The following SLIT1 variants were observed in gnomAD, a reference collection of about 807,000 sequenced individuals.
The protein encoded by SLIT1 is slit guidance ligand 1.
In SLIT1, 66 loss-of-function variants were observed where a neutral mutation model predicts 186.1. The observed-to-expected ratio is 0.35, with a 90% confidence interval of 0.29 to 0.44. SLIT1 has a LOEUF of 0.44. Among genes scored for constraint, SLIT1 ranks in the 20% least tolerant of loss-of-function variants. The probability of loss-of-function intolerance (pLI) is 1.00; values close to 1 mark genes in which losing one functional copy is unlikely to be tolerated. For missense variants in SLIT1, 1,638 were observed against 2,037.4 expected (o/e 0.80, Z 3.77); for synonymous variants, 761 against 833.8 (o/e 0.91, Z 1.50).
In SLIT1 at chr10:97,170,605, C is replaced by G. The variant is rs980316209; in HGVS notation, c.198-5715G>C. Among the ~76,000 whole-genome samples, 25 of 152,206 alleles carry G rather than the reference C, an allele frequency of 1.6e-4. 1 individual carries two copies. The highest frequency in any genetic ancestry group is 1.2e-3 in the Admixed American group (19 of 15,286). Reference sequence around the variant, plus strand: ...ACGCCCTAAGCGCGTTCTCCCTCTTCCAAAAGTCATGAGTTTACACCTATC... The same window carrying G: ...ACGCCCTAAGCGCGTTCTCCCTCTTGCAAAAGTCATGAGTTTACACCTATC... On this transcript the variant is annotated intron_variant, in intron 1 of 36. Transcript: ENST00000266058.
chr10:97,098,269 G>A (rs1849312558), intron 4 of SLIT1, among the ~76,000 whole-genome samples: 1 of 152,222 alleles, frequency 6.6e-6, no homozygotes, highest in Admixed American at 6.5e-5. Context: ...GGCCGGACAT[G>A]TGCTGAGTAC....
chr10:97,156,018 G>A (rs1195358187), intron 4 of SLIT1, among the ~76,000 whole-genome samples: 1 of 152,206 alleles, frequency 6.6e-6, no homozygotes, highest in East Asian at 1.9e-4. Context: ...CACCTGCTGG[G>A]AAGAATCTTC....
chr10:97,129,404 C>A (rs1849633340), intron 4 of SLIT1, among the ~76,000 whole-genome samples: 2 of 149,880 alleles, frequency 1.3e-5, no homozygotes, highest in Non-Finnish European at 3.0e-5. Flanking sequence ...AAAAAAGAAG[C>A]TAATATAAGT....
intron 30 of SLIT1, among the ~76,000 whole-genome samples, chr10:97,012,604 T>C (rs1221350567): frequency 2.6e-5 from 4 of 152,226 alleles, no homozygotes; most frequent in Non-Finnish European, 5.9e-5. Context: ...GGAGGGCGCA[T>C]GCTGCCCAAT....
intron 4 of SLIT1, among the ~76,000 whole-genome samples, chr10:97,084,186 T>C (rs1225684949): frequency 6.6e-6 from 1 of 152,236 alleles, no homozygotes; most frequent in African/African-American, 2.4e-5. Flanking sequence ...AGCCTTCATC[T>C]TAGCATCCAA....
intron 35 of SLIT1, 60 bp from the exon 36 acceptor site, chr10:97,002,429 A>T: frequency 7.5e-7 from 1 of 1,340,742 alleles, no homozygotes; most frequent in Non-Finnish European, 1.0e-6. Flanking sequence ...CACCTGACAC[A>T]GCCCGCCCCA....
intron 4 of SLIT1, among the ~76,000 whole-genome samples, chr10:97,138,187 G>A (rs150527796): frequency 1.5e-3 from 223 of 152,316 alleles, no homozygotes; most frequent in African/African-American, 5.2e-3. Context: ...CGCGGGTTCC[G>A]AAGGGCTGAT....
chr10:97,163,332 C>T (rs199868710), intron 3 of SLIT1, 48 bp downstream of exon 3: 708 of 1,539,870 alleles, frequency 4.6e-4, no homozygotes, highest in Non-Finnish European at 5.6e-4. Flanking sequence ...CCAGTTCCCT[C>T]TCGTGCCAGC....
chr10:97,099,638 G>A (rs915653267), intron 4 of SLIT1, among the ~76,000 whole-genome samples: 2 of 152,092 alleles, frequency 1.3e-5, no homozygotes, highest in African/African-American at 4.8e-5. Flanking sequence ...CAGGGAGCGG[G>A]GTGCTTCCAG....
intron 1 of SLIT1, among the ~76,000 whole-genome samples, chr10:97,165,608 A>G (rs1850094261): frequency 6.6e-6 from 1 of 152,152 alleles, no homozygotes; most frequent in Admixed American, 6.5e-5. Context: ...AGCTGTCAGA[A>G]GCAGGGCTGA....
intron 18 of SLIT1, among the ~76,000 whole-genome samples, chr10:97,045,894 T>C (rs1044193114): frequency 2.6e-5 from 4 of 152,070 alleles, no homozygotes; most frequent in Non-Finnish European, 5.9e-5. Flanking sequence ...TCCAATATAG[T>C]AGCCACTAGC....
chr10:97,140,503 C>T (rs1849747102), intron 4 of SLIT1, among the ~76,000 whole-genome samples: 2 of 152,212 alleles, frequency 1.3e-5, no homozygotes, highest in African/African-American at 4.8e-5. Flanking sequence ...CCCAAGTTGC[C>T]TGGAGCCCCT....
intron 4 of SLIT1, among the ~76,000 whole-genome samples, chr10:97,130,564 G>A (rs554448829): frequency 7.2e-5 from 11 of 152,258 alleles, no homozygotes; most frequent in South Asian, 2.1e-4. Flanking sequence ...TCAAATTCAC[G>A]GAAACAGAAA....
chr10:97,056,906 G>A (rs764997319), intron 12 of SLIT1, among the ~76,000 whole-genome samples: 6 of 152,184 alleles, frequency 3.9e-5, no homozygotes, highest in Non-Finnish European at 8.8e-5. Context: ...TGGCCTGGGT[G>A]TCCCCCCTGC....
chr10:97,130,949 A>T (rs904892938), intron 4 of SLIT1, among the ~76,000 whole-genome samples: 4 of 152,066 alleles, frequency 2.6e-5, no homozygotes, highest in Non-Finnish European at 5.9e-5. Flanking sequence ...TGGACCCCTA[A>T]AGAGTCCACG....
intron 4 of SLIT1, among the ~76,000 whole-genome samples, chr10:97,142,961 T>C (rs190407892): frequency 6.6e-6 from 1 of 152,126 alleles, no homozygotes; most frequent in East Asian, 1.9e-4. Context: ...ATGGCTACTG[T>C]TAAAAAAAAA....
chr10:97,081,037 G>A (rs940894860), intron 4 of SLIT1, among the ~76,000 whole-genome samples: 8 of 152,296 alleles, frequency 5.3e-5, no homozygotes, highest in East Asian at 3.9e-4. Flanking sequence ...CACAGTCTAC[G>A]CAACAGGCAG....
intron 4 of SLIT1, among the ~76,000 whole-genome samples, chr10:97,149,430 C>T (rs776447463): frequency 3.9e-5 from 6 of 152,184 alleles, no homozygotes; most frequent in Non-Finnish European, 5.9e-5. Context: ...CGCTTGGGGC[C>T]TTCCCTTACT....
chr10:97,045,727 A>T (rs1351118526), intron 18 of SLIT1, among the ~76,000 whole-genome samples: 1 of 152,266 alleles, frequency 6.6e-6, no homozygotes, highest in Non-Finnish European at 1.5e-5. Flanking sequence ...AAGCTGCAAA[A>T]CATAGTGCAT....
Sources: gnomAD v4.1 joint callset for allele counts (sites outside exome capture counted in the v4.1 genomes callset) on GRCh38, gnomAD v4.1.1 for gene constraint, MANE v1.5 for transcripts, NCBI Gene and HGNC (gene_info 2026-07-23, HGNC 2026-07-21) for gene names.